MTUS2: variants seen among roughly 807,000 people sequenced by gnomAD.
MTUS2 encodes the protein microtubule associated scaffold protein 2, also known as microtubule-associated tumor suppressor candidate 2.
MTUS2 carries 40 observed loss-of-function variants against 114.1 expected under a neutral mutation model. The ratio of observed to expected loss-of-function variants is 0.35; its 90% CI spans 0.27 to 0.46. The LOEUF (loss-of-function observed/expected upper bound fraction) is 0.46, where lower values mean the gene tolerates loss of function less well. Ranked by LOEUF, MTUS2 falls within the 20% of genes least tolerant of loss-of-function variation. MTUS2 has a pLI of 1.00. For synonymous variants in MTUS2, 688 were observed against 672.0 expected (o/e 1.02, Z -0.37); for missense variants, 1,679 against 1,705.4 (o/e 0.98, Z 0.27).
Position 28,916,493 on chromosome 13 carries a change from T to A in MTUS2, c.-243+76643T>A, listed in dbSNP as rs577013757. Among the ~76,000 whole-genome samples the A allele has an allele frequency of 5.3e-5, 8 of 151,918 alleles. No individual in the cohort carries two copies. The South Asian group carries it at 1.7e-3, about 31-fold the overall frequency. On this transcript the variant is annotated intron_variant, in intron 2 of 15. Transcript: ENST00000612955. ...TCTTTCATCAGTGTTTTATAGTTTT[T>A]ATTGTAGAGATCATTTACTTCTTTG...
At chr13:28,901,609 A>G (rs1250964956) in intron 2 of MTUS2, among the ~76,000 whole-genome samples, 1 of 152,210 alleles carries the variant, frequency 6.6e-6, no homozygotes, top group East Asian at 1.9e-4. Flanking sequence ...ACTGTGTGTT[A>G]GGAAGGCTCT....
intron 10 of MTUS2, among the ~76,000 whole-genome samples, chr13:29,487,332 G>C (rs2138942571): frequency 6.6e-6 from 1 of 152,330 alleles, no homozygotes; most frequent in Admixed American, 6.5e-5. Context: ...CTCACTGTTA[G>C]CTCTGCCATT....
intron 6 of MTUS2, chr13:29,307,724 A>G (rs1271094378): frequency 9.7e-6 from 11 of 1,131,310 alleles, no homozygotes; most frequent in South Asian, 6.1e-5. Flanking sequence ...TGGTATGACA[A>G]TGAATTTGGC....
At position 29,033,767 on chromosome 13, in the gene MTUS2, A is replaced by G. The variant is rs1017144444; in HGVS notation, c.2206-118A>G. On this transcript the variant is annotated intron_variant, in intron 3 of 15. Transcript: ENST00000612955. Reference sequence around the variant, plus strand: ...GCCCGGGGAAGGTAGGGGACTTGTGATCAAGCAGCTAAGTGGTACCAGAGT... The same window carrying G: ...GCCCGGGGAAGGTAGGGGACTTGTGGTCAAGCAGCTAAGTGGTACCAGAGT... 3.2e-6 allele frequency: 4 copies of G among 1,266,984 alleles called. No homozygotes were observed. The African/African-American group carries it at 6.0e-5, about 19-fold the overall frequency. The allele number at this position is 1,266,984 out of a possible 1,614,324, so 78.5% of individuals were successfully genotyped here. A position where few individuals can be genotyped will look rare whatever the true frequency, so the allele number is the denominator to read the frequency against.
At chr13:29,124,831 C>T (rs867613930) in intron 5 of MTUS2, among the ~76,000 whole-genome samples, 1 of 152,056 alleles carries the variant, frequency 6.6e-6, no homozygotes, top group Admixed American at 6.6e-5. Flanking sequence ...AAGCCAGACA[C>T]AAAGGACAAA....
intron 5 of MTUS2, among the ~76,000 whole-genome samples, chr13:29,196,531 ATGT>A (rs1197794970): frequency 6.6e-6 from 1 of 152,050 alleles, no homozygotes; most frequent in Non-Finnish European, 1.5e-5. Flanking sequence ...TACATTCATA[ATGT>A]TGTGCAGCCA....
Position 29,491,542 on chromosome 13 carries a change from GGT to G in MTUS2, c.3506-1094_3506-1093del, listed in dbSNP as rs1396975047. 2.6e-3 allele frequency among the ~76,000 whole-genome samples: 337 copies of G among 130,938 alleles called. 4 individuals are homozygous for G. The highest frequency in any genetic ancestry group is 9.1e-3 in the African/African-American group (314 of 34,526). The allele number at this position is 130,938 out of a possible 152,430, so 85.9% of individuals were successfully genotyped here. A position where few individuals can be genotyped will look rare whatever the true frequency, so the allele number is the denominator to read the frequency against. On this transcript the variant is annotated intron_variant, in intron 11 of 15. Coordinates refer to ENST00000612955, the MANE Select transcript of MTUS2 (RefSeq NM_001033602.4). ...GCATGATGTGTGTGGTATGTGTGGG[GGT>G]GTGTGTGTGGTATATGTATGTGGGG...
intron 5 of MTUS2, among the ~76,000 whole-genome samples, chr13:29,148,243 G>T (rs1357483755): frequency 2.0e-5 from 3 of 151,318 alleles, no homozygotes; most frequent in African/African-American, 7.3e-5. Context: ...AAGTGCAGGG[G>T]TACATGTGTA....
chr13:29,044,920 C>T (rs1001051853), intron 4 of MTUS2, among the ~76,000 whole-genome samples: 3 of 152,104 alleles, frequency 2.0e-5, no homozygotes, highest in Non-Finnish European at 4.4e-5. Context: ...GTCCTTGTTT[C>T]CTTGCTGGCT....
intron 8 of MTUS2, among the ~76,000 whole-genome samples, chr13:29,383,377 T>A (rs1447973891): frequency 6.6e-6 from 1 of 152,072 alleles, no homozygotes; most frequent in Non-Finnish European, 1.5e-5. Context: ...TATTTTAAGT[T>A]CATGGTCATC....
intron 8 of MTUS2, among the ~76,000 whole-genome samples, chr13:29,430,803 A>G (rs1876937953): frequency 6.6e-6 from 1 of 152,214 alleles, no homozygotes; most frequent in Admixed American, 6.5e-5. Flanking sequence ...GGAGCATGAT[A>G]GGATTCCATT....
chr13:29,103,278 A>G (rs925630937), intron 5 of MTUS2, among the ~76,000 whole-genome samples: 7 of 152,214 alleles, frequency 4.6e-5, no homozygotes, highest in African/African-American at 1.4e-4. Flanking sequence ...CAAACATCAT[A>G]GAGTGTACTT....
At chr13:29,174,704 C>T (rs941091056) in intron 5 of MTUS2, among the ~76,000 whole-genome samples, 1 of 152,142 alleles carries the variant, frequency 6.6e-6, no homozygotes, top group South Asian at 2.1e-4. Context: ...ATAGTCCATA[C>T]CATGTGGACA....
intron 5 of MTUS2, among the ~76,000 whole-genome samples, chr13:29,172,321 G>A (rs1893598927): frequency 6.6e-6 from 1 of 152,132 alleles, no homozygotes; most frequent in African/African-American, 2.4e-5. Context: ...CCTGAAAGTG[G>A]GTTGTCAAAA....
At chr13:29,154,285 CTCATGTATTTGGTTACTCTTCAGTTTT>C (rs1425312441) in intron 5 of MTUS2, among the ~76,000 whole-genome samples, 2 of 152,168 alleles carry the variant, frequency 1.3e-5, no homozygotes, top group Admixed American at 1.3e-4. Flanking sequence ...AATATCTGAA[CTCATGTATTTGGTTACTCTTCAGTTTT>C]AAAATGCTTT....
intron 4 of MTUS2, among the ~76,000 whole-genome samples, chr13:29,096,340 T>C (rs1459161840): frequency 6.6e-6 from 1 of 152,230 alleles, no homozygotes; most frequent in Non-Finnish European, 1.5e-5. Context: ...CAGGTTCCAC[T>C]AATTACTGAC....
intron 5 of MTUS2, among the ~76,000 whole-genome samples, chr13:29,203,180 C>T (rs944592617): frequency 2.6e-5 from 4 of 152,248 alleles, no homozygotes; most frequent in African/African-American, 9.6e-5. Context: ...CTGACTGTGG[C>T]TGCTGCCTTT....
intron 4 of MTUS2, among the ~76,000 whole-genome samples, chr13:29,038,987 G>A (rs1887215266): frequency 6.6e-6 from 1 of 152,218 alleles, no homozygotes; most frequent in African/African-American, 2.4e-5. Flanking sequence ...AGTCTGGCCC[G>A]GTGATGCTCA....
At chr13:29,084,001 T>C (rs1410015549) in intron 4 of MTUS2, among the ~76,000 whole-genome samples, 1 of 152,178 alleles carries the variant, frequency 6.6e-6, no homozygotes, top group Non-Finnish European at 1.5e-5. Flanking sequence ...CCTAAGATTA[T>C]AGCATGTTAA....
Sources: gnomAD v4.1 joint callset for allele counts (sites outside exome capture counted in the v4.1 genomes callset) on GRCh38, gnomAD v4.1.1 for gene constraint, MANE v1.5 for transcripts, NCBI Gene and HGNC (gene_info 2026-07-23, HGNC 2026-07-21) for gene names.